PSD3: variants seen among roughly 807,000 people sequenced by gnomAD.
PSD3 encodes the protein pleckstrin and Sec7 domain containing 3, also known as PH and SEC7 domain-containing protein 3.
Under a neutral mutation model 105.5 loss-of-function variants are expected in PSD3, and 49 were observed. The ratio of observed to expected loss-of-function variants is 0.46; its 90% CI spans 0.37 to 0.59. The LOEUF (loss-of-function observed/expected upper bound fraction) is 0.59. PSD3 is among the 20% of genes least tolerant of loss of function. The pLI, the probability that PSD3 is intolerant of heterozygous loss-of-function variation, is 0.00. For missense variants in PSD3, 1,561 were observed against 1,263.8 expected, an observed-to-expected ratio of 1.24 and a Z score of -3.57; for synonymous variants, 557 against 457.8, an observed-to-expected ratio of 1.22 and a Z score of -2.77.
chr8:18,588,837 A>G (rs1287047167), intron 12 of PSD3, among the ~76,000 whole-genome samples: 1 of 152,202 alleles, frequency 6.6e-6, no homozygotes, highest in African/African-American at 2.4e-5. Context: ...AAAAGCTGGT[A>G]CCTTTGAAAC....
chr8:19,052,470 CAAAAAAAA>C (rs5889846), intron 1 of PSD3, among the ~76,000 whole-genome samples: 3 of 116,130 alleles, frequency 2.6e-5, no homozygotes, highest in Admixed American at 8.5e-5. Flanking sequence ...GACTCTGTCT[CAAAAAAAA>C]AAAAAAAGAA....
intron 9 of PSD3, among the ~76,000 whole-genome samples, chr8:18,754,888 T>C (rs1406785236): frequency 2.0e-5 from 3 of 152,152 alleles, no homozygotes; most frequent in Non-Finnish European, 2.9e-5. Context: ...TCTGTATCCT[T>C]ATTGGCTAAG....
At chr8:18,754,306 C>G (rs1805847398) in intron 9 of PSD3, among the ~76,000 whole-genome samples, 1 of 152,126 alleles carries the variant, frequency 6.6e-6, no homozygotes, top group Non-Finnish European at 1.5e-5. Flanking sequence ...ATCACTTGAA[C>G]CTGGGAGGCA....
chr8:18,603,749 A>T (rs1034306950), intron 11 of PSD3, among the ~76,000 whole-genome samples: 1 of 152,160 alleles, frequency 6.6e-6, no homozygotes, highest in African/African-American at 2.4e-5. Flanking sequence ...GACACTGAGT[A>T]AGTGAATGCT....
At chr8:19,081,320 A>G (rs533447123) in intron 1 of PSD3, among the ~76,000 whole-genome samples, 1 of 152,186 alleles carries the variant, frequency 6.6e-6, no homozygotes, top group South Asian at 2.1e-4. Flanking sequence ...CACCCTCTCC[A>G]CCAGAGGAAT....
rs960194356 is a variant in PSD3 at position 18,529,501 on chromosome 8, G to C, written c.*6242C>G. ...TATACACCTAAGGGGACAGTCAACT[G>C]GTTCTGAATCTCAGGAGGAGAGGAC... On this transcript the variant is annotated 3_prime_UTR_variant, in exon 16 of 16. Transcript: ENST00000327040. 1 of 152,548 alleles carries C rather than the reference G, an allele frequency of 6.6e-6. No individual in the cohort carries two copies. The highest frequency in any genetic ancestry group is 1.5e-5 in the Non-Finnish European group (1 of 68,042). The allele number at this position is 152,548 out of a possible 1,614,324, so 9.4% of individuals were successfully genotyped here.
chr8:19,008,565 T>C (rs1446129723), intron 1 of PSD3, among the ~76,000 whole-genome samples: 1 of 152,222 alleles, frequency 6.6e-6, no homozygotes, highest in African/African-American at 2.4e-5. Flanking sequence ...GTACAAGTTT[T>C]TGAAAATCTA....
At chr8:18,968,708 C>G (rs1335514192) in intron 1 of PSD3, among the ~76,000 whole-genome samples, 1 of 151,876 alleles carries the variant, frequency 6.6e-6, no homozygotes, top group Non-Finnish European at 1.5e-5. Flanking sequence ...AACCCCGTCT[C>G]TAATAAAAAT....
chr8:18,640,797 C>T (rs920491985), intron 10 of PSD3, among the ~76,000 whole-genome samples: 1 of 152,158 alleles, frequency 6.6e-6, no homozygotes, highest in African/African-American at 2.4e-5. Context: ...ACTAATTAGC[C>T]CCACTGACCT....
At chr8:19,071,500 TAGA>T (rs1032336552) in intron 1 of PSD3, among the ~76,000 whole-genome samples, 20 of 151,906 alleles carry the variant, frequency 1.3e-4, no homozygotes, top group African/African-American at 4.8e-4. Context: ...ATGTTCTGGG[TAGA>T]AGAAGAGAAA....
chr8:18,637,432 T>A (rs1807337706), intron 10 of PSD3, among the ~76,000 whole-genome samples: 1 of 152,154 alleles, frequency 6.6e-6, no homozygotes, highest in African/African-American at 2.4e-5. Context: ...AATGGAACAG[T>A]CTTATCACCC....
intron 11 of PSD3, among the ~76,000 whole-genome samples, chr8:18,611,437 G>A (rs908752288): frequency 1.3e-5 from 2 of 151,954 alleles, no homozygotes; most frequent in Non-Finnish European, 2.9e-5. Flanking sequence ...TTTTTTAAGA[G>A]GACACATTTT....
At chr8:18,723,122 C>G (rs529686043) in intron 9 of PSD3, among the ~76,000 whole-genome samples, 1 of 152,120 alleles carries the variant, frequency 6.6e-6, no homozygotes, top group African/African-American at 2.4e-5. Flanking sequence ...ATTGACACAG[C>G]AAAACTCATG....
intron 2 of PSD3, among the ~76,000 whole-genome samples, chr8:18,890,278 T>C (rs1171481935): frequency 3.3e-5 from 5 of 152,214 alleles, no homozygotes; most frequent in Non-Finnish European, 7.3e-5. Context: ...TTTTTCAGTC[T>C]GGTTCTTAGA....
intron 1 of PSD3, among the ~76,000 whole-genome samples, chr8:19,075,372 G>A (rs1016657661): frequency 2.0e-5 from 3 of 152,276 alleles, no homozygotes; most frequent in East Asian, 3.9e-4. Context: ...CAAATTGTTC[G>A]GATTACAGGC....
At chr8:18,875,896 C>G (rs1033745524) in intron 2 of PSD3, among the ~76,000 whole-genome samples, 6 of 152,124 alleles carry the variant, frequency 3.9e-5, no homozygotes, top group African/African-American at 7.2e-5. Context: ...CAGCCAATCC[C>G]CATTTCAGCT....
At chr8:18,602,147 C>T (rs1167423223) in intron 11 of PSD3, among the ~76,000 whole-genome samples, 2 of 152,194 alleles carry the variant, frequency 1.3e-5, no homozygotes, top group Non-Finnish European at 2.9e-5. Context: ...CAAAGGCTTT[C>T]CCCGAGCCCT....
chr8:19,004,797 C>G (rs950566167), intron 1 of PSD3, among the ~76,000 whole-genome samples: 2 of 151,958 alleles, frequency 1.3e-5, no homozygotes, highest in African/African-American at 4.8e-5. Flanking sequence ...CAATGCTGTT[C>G]TCTTGATTGT....
chr8:18,789,943 G>GT (rs1324543084), intron 8 of PSD3, among the ~76,000 whole-genome samples: 1 of 152,194 alleles, frequency 6.6e-6, no homozygotes, highest in Non-Finnish European at 1.5e-5. Flanking sequence ...TGAATAATGT[G>GT]TAAGTTAGAT....
Sources: allele counts gnomAD v4.1 joint callset (sites outside exome capture counted in the v4.1 genomes callset), GRCh38; gene constraint gnomAD v4.1.1; transcripts MANE v1.5; gene names NCBI Gene and HGNC (gene_info 2026-07-23, HGNC 2026-07-21).